The following INF2 variants were observed in gnomAD, a reference collection of about 807,000 sequenced individuals.
The protein encoded by INF2 is inverted formin 2, also known as inverted formin-2.
Under a neutral mutation model 123.5 loss-of-function variants are expected in INF2, and 43 were observed. That is an observed-to-expected ratio of 0.35 (90% CI 0.27 to 0.45). The LOEUF (loss-of-function observed/expected upper bound fraction) is 0.45. Among genes scored for constraint, INF2 ranks in the 20% least tolerant of loss-of-function variants. The pLI, the probability that INF2 is intolerant of heterozygous loss-of-function variation, is 1.00. For synonymous variants in INF2, 851 were observed against 745.0 expected (o/e 1.14, Z -2.32); for missense variants, 1,453 against 1,682.7 (o/e 0.86, Z 2.39).
chr14:104,689,763 G>A, intron 1 of INF2, 24 bp downstream of exon 1: 1 of 983,852 alleles, frequency 1.0e-6, no homozygotes, highest in South Asian at 4.7e-5. Flanking sequence ...CTCGGGGTCC[G>A]CTTGGAGCTT....
At chr14:104,713,739 G>C in intron 20 of INF2, 133 bp downstream of exon 20, 2 of 1,009,428 alleles carry the variant, frequency 2.0e-6, no homozygotes. Flanking sequence ...CCTAAGACTG[G>C]GGACAGCCGA....
chr14:104,694,883 G>A (rs1296249133), intron 1 of INF2, among the ~76,000 whole-genome samples: 2 of 152,146 alleles, frequency 1.3e-5, no homozygotes, highest in Non-Finnish European at 2.9e-5. Flanking sequence ...GGTGGGGGCT[G>A]GACACCCTGG....
intron 2 of INF2, 63 bp from the exon 3 acceptor site, chr14:104,703,042 A>G: frequency 7.3e-7 from 1 of 1,363,648 alleles, no homozygotes. Flanking sequence ...CCCTGAGCCC[A>G]GCTGCACAGG....
chr14:104,681,681 C>T (rs1888526494), intron 1 of INF2: 1 of 1,038,648 alleles, frequency 9.6e-7, no homozygotes, highest in Non-Finnish European at 1.3e-6. Flanking sequence ...GTGCAGGAGG[C>T]ACAGGCCCCT....
intron 1 of INF2, among the ~76,000 whole-genome samples, chr14:104,697,968 G>C (rs1190091743): frequency 6.6e-6 from 1 of 152,250 alleles, no homozygotes; most frequent in African/African-American, 2.4e-5. Flanking sequence ...TGAGCCATGG[G>C]TACTGGGCCC....
chr14:104,681,470 A>C, exon 1 of INF2: 1 of 848,376 alleles, frequency 1.2e-6, no homozygotes, highest in Non-Finnish European at 1.7e-6. Flanking sequence ...TGTAGAAAGC[A>C]CTCAGCTAAG....
intron 1 of INF2, among the ~76,000 whole-genome samples, chr14:104,682,440 G>A (rs1332585538): frequency 6.6e-6 from 1 of 152,222 alleles, no homozygotes; most frequent in Non-Finnish European, 1.5e-5. Flanking sequence ...AGGTGCCCCA[G>A]ATGAGCAGGC....
At chr14:104,702,327 C>T (rs1889562559) in intron 2 of INF2, among the ~76,000 whole-genome samples, 1 of 152,252 alleles carries the variant, frequency 6.6e-6, no homozygotes, top group African/African-American at 2.4e-5. Context: ...CCCTTGGTCT[C>T]TGCCTCTGCT....
chr14:104,697,183 G>A (rs1889232058), intron 1 of INF2, among the ~76,000 whole-genome samples: 1 of 152,230 alleles, frequency 6.6e-6, no homozygotes, highest in South Asian at 2.1e-4. Context: ...TCACAGCGGG[G>A]GCCTCCAGGC....
upstream of INF2, chr14:104,689,594 G>A: frequency 2.0e-5 from 5 of 251,136 alleles, no homozygotes; most frequent in Non-Finnish European, 2.8e-5. Context: ...TCTTCCTCCC[G>A]CCCGCCCCGC....
intron 1 of INF2, among the ~76,000 whole-genome samples, chr14:104,693,428 T>C (rs1473126007): frequency 6.6e-6 from 1 of 152,152 alleles, no homozygotes; most frequent in African/African-American, 2.4e-5. Context: ...GGCTGTCTGC[T>C]TCCCATTTTG....
rs554342933 is a variant in INF2, at chr14:104,721,290, C to T, written c.*2497C>T. 7.7e-6 allele frequency: 1 copy of T among 130,410 alleles called. No individual in the cohort carries two copies. The highest frequency in any genetic ancestry group is 2.5e-4 in the East Asian group (1 of 4,010). The allele number at this position is 130,410 out of a possible 1,614,324, so 8.1% of individuals were successfully genotyped here. A position where few individuals can be genotyped will look rare whatever the true frequency, so the allele number is the denominator to read the frequency against. On this transcript the variant is annotated 3_prime_UTR_variant, in exon 23 of 23. Coordinates refer to ENST00000392634, the MANE Select transcript of INF2 (RefSeq NM_022489.4). ...AGTCTCGTGTGGATGCTGCTGTGGA[C>T]GTCTGCGTAGTCTCGTGTGGATGCT... is the stretch of plus-strand genomic sequence containing the variant.
chr14:104,689,586 T>A, upstream of INF2: 1 of 863,988 alleles, frequency 1.2e-6, no homozygotes, highest in Non-Finnish European at 1.4e-6. Context: ...GCACCTCCTC[T>A]TCCTCCCGCC....
chr14:104,716,645 G>A (rs975923171), intron 22 of INF2, among the ~76,000 whole-genome samples: 2 of 152,192 alleles, frequency 1.3e-5, no homozygotes, highest in Admixed American at 6.5e-5. Flanking sequence ...TGCCACGCAC[G>A]TGGCTGAGGG....
intron 1 of INF2, among the ~76,000 whole-genome samples, chr14:104,697,888 G>T (rs4077159): frequency 0.19 from 23,487 of 126,828 alleles, 2,276 homozygotes; most frequent in East Asian, 0.44. Flanking sequence ...GTGGACTGCC[G>T]GGGGGGGTGG....
At chr14:104,696,631 C>T (rs989235726) in intron 1 of INF2, among the ~76,000 whole-genome samples, 4 of 152,120 alleles carry the variant, frequency 2.6e-5, no homozygotes, top group South Asian at 2.1e-4. Flanking sequence ...GTGCCTCCAC[C>T]GCCCTGCAGG....
chr14:104,712,163 TG>T (rs1000681722), intron 16 of INF2, among the ~76,000 whole-genome samples: 2 of 152,168 alleles, frequency 1.3e-5, no homozygotes, highest in Admixed American at 1.3e-4. Flanking sequence ...CCACCTGCCC[TG>T]GAAGGTTCTC....
Position 104,710,082 on chromosome 14 carries a change from C to T in INF2, c.2139-6C>T. The T allele has an allele frequency of 6.5e-7, 1 of 1,547,926 alleles. No homozygotes were observed. The highest frequency in any genetic ancestry group is 8.7e-7 in the Non-Finnish European group (1 of 1,145,352). On this transcript the variant is annotated splice_region_variant and splice_polypyrimidine_tract_variant and intron_variant, in intron 12 of 22. Transcript: ENST00000392634. Reference sequence around the variant, plus strand: ...GGCCACTGATCCCTGTCTGTGCCATCCCCAGCTACCAGCTGCGAATCGAGT... The same window carrying T: ...GGCCACTGATCCCTGTCTGTGCCATTCCCAGCTACCAGCTGCGAATCGAGT...
At chr14:104,689,339 C>T (rs961671590), upstream of INF2, 6 of 839,470 alleles carry the variant, frequency 7.1e-6, no homozygotes, top group African/African-American at 1.1e-4. Flanking sequence ...ACAGTGGGGG[C>T]TGAGGCGGGA....
Sources: gnomAD v4.1 joint callset for allele counts (sites outside exome capture counted in the v4.1 genomes callset) on GRCh38, gnomAD v4.1.1 for gene constraint, MANE v1.5 for transcripts, NCBI Gene and HGNC (gene_info 2026-07-23, HGNC 2026-07-21) for gene names.